PLCG2: variants seen among roughly 807,000 people sequenced by gnomAD.
PLCG2 encodes the protein 1-phosphatidylinositol 4,5-bisphosphate phosphodiesterase gamma-2.
A neutral mutation model predicts 175.6 loss-of-function variants in PLCG2; 69 were observed. That is an observed-to-expected ratio of 0.39 (90% CI 0.32 to 0.48). PLCG2 has a LOEUF of 0.48. Among genes scored for constraint, PLCG2 ranks in the 20% least tolerant of loss-of-function variants. The pLI is 0.91. For synonymous variants in PLCG2, 827 were observed against 624.0 expected, an observed-to-expected ratio of 1.33 and a Z score of -4.85; for missense variants, 1,798 against 1,650.9, an observed-to-expected ratio of 1.09 and a Z score of -1.54.
chr16:81,925,933 A>G (rs1379371424), intron 22 of PLCG2, among the ~76,000 whole-genome samples: 1 of 151,726 alleles, frequency 6.6e-6, no homozygotes, highest in Non-Finnish European at 1.5e-5. Context: ...AGAGGGGAAG[A>G]CAGATGTATA....
chr16:81,794,611 T>A (rs1911384438), intron 2 of PLCG2, among the ~76,000 whole-genome samples: 2 of 152,202 alleles, frequency 1.3e-5, no homozygotes, highest in Non-Finnish European at 2.9e-5. Context: ...CATTTCCTTA[T>A]CTATAAAATG....
At chr16:81,836,953 C>T (rs1354957141) in intron 2 of PLCG2, among the ~76,000 whole-genome samples, 1 of 152,174 alleles carries the variant, frequency 6.6e-6, no homozygotes, top group Non-Finnish European at 1.5e-5. Flanking sequence ...GGTTTCCCTT[C>T]CCTTTCCTCC....
chr16:81,946,029 G>C, intron 30 of PLCG2, 146 bp from the exon 31 acceptor site: 1 of 672,642 alleles, frequency 1.5e-6, no homozygotes, highest in Non-Finnish European at 2.7e-6. Flanking sequence ...TAGGACCTCT[G>C]GCTTCCACAA....
chr16:81,858,438 GAAAAA>G (rs67392656), intron 4 of PLCG2, 82 bp downstream of exon 4: 231 of 580,028 alleles, frequency 4.0e-4, no homozygotes, highest in African/African-American at 1.8e-3. Flanking sequence ...CTACAGGGGG[GAAAAA>G]AAAAAAAAGG....
chr16:81,938,449 A>T, intron 28 of PLCG2: 1 of 298,424 alleles, frequency 3.4e-6, no homozygotes, highest in Non-Finnish European at 6.2e-6. Context: ...AGAATGCCAC[A>T]CTGTTCCTCA....
rs543265692 is a variant in PLCG2 at position 81,885,285 on chromosome 16, A to G, written c.765+1944A>G. On this transcript the variant is annotated intron_variant, in intron 9 of 32. Transcript: ENST00000564138. ...GTGATCCACCCGCCTTGGCCTCCCAAAGTGCTGGGATTACAGGTGTGAGCC... is the reference window on the plus strand; with the variant it reads ...GTGATCCACCCGCCTTGGCCTCCCAGAGTGCTGGGATTACAGGTGTGAGCC... Among the ~76,000 whole-genome samples, 46 of 152,110 alleles carry G rather than the reference A, an allele frequency of 3.0e-4. No individual in the cohort carries two copies. In the South Asian group the frequency reaches 4.8e-3, roughly 16 times the overall value.
chr16:81,832,997 G>C (rs996375878), intron 2 of PLCG2, among the ~76,000 whole-genome samples: 1 of 152,206 alleles, frequency 6.6e-6, no homozygotes, highest in Non-Finnish European at 1.5e-5. Flanking sequence ...AACAAGTCAC[G>C]CTTGTGAGAT....
chr16:81,875,681 A>C (rs9932725), intron 7 of PLCG2, among the ~76,000 whole-genome samples: 1,819 of 152,308 alleles, frequency 0.012, 39 homozygotes, highest in African/African-American at 0.038. Context: ...CGTGACTGCT[A>C]CCCTGCTACC....
intron 3 of PLCG2, 71 bp downstream of exon 3, chr16:81,854,658 C>A (rs1906592980): frequency 1.4e-6 from 2 of 1,384,090 alleles, no homozygotes; most frequent in African/African-American, 1.4e-5. Flanking sequence ...TCGCTAATAG[C>A]AGAATGCTCA....
At chr16:81,821,649 C>T (rs975115677) in intron 2 of PLCG2, among the ~76,000 whole-genome samples, 4 of 152,068 alleles carry the variant, frequency 2.6e-5, no homozygotes, top group African/African-American at 9.7e-5. Context: ...CCCATTTAAG[C>T]CTCAGGAAGT....
At chr16:81,894,734 G>C (rs1445686935) in intron 12 of PLCG2, among the ~76,000 whole-genome samples, 3 of 152,044 alleles carry the variant, frequency 2.0e-5, no homozygotes, top group Admixed American at 6.6e-5. Flanking sequence ...TTAGCCAGGC[G>C]TGGTGGTGCA....
At chr16:81,833,868 G>A (rs534492577) in intron 2 of PLCG2, among the ~76,000 whole-genome samples, 3 of 152,238 alleles carry the variant, frequency 2.0e-5, no homozygotes, top group South Asian at 4.2e-4. Context: ...CTTGCCTAAC[G>A]ATTGCCTTTG....
chr16:81,875,117 T>G (rs1907716695), intron 7 of PLCG2, among the ~76,000 whole-genome samples: 1 of 151,896 alleles, frequency 6.6e-6, no homozygotes, highest in Non-Finnish European at 1.5e-5. Flanking sequence ...GCATGCACCA[T>G]CACGCCTGGC....
intron 17 of PLCG2, among the ~76,000 whole-genome samples, chr16:81,909,317 G>C (rs913830714): frequency 1.3e-4 from 20 of 152,194 alleles, no homozygotes; most frequent in African/African-American, 4.8e-4. Context: ...GGGGGGATTT[G>C]TGAAAGTCTG....
intron 14 of PLCG2, among the ~76,000 whole-genome samples, chr16:81,902,680 A>G (rs1475948997): frequency 6.6e-6 from 1 of 151,734 alleles, no homozygotes; most frequent in African/African-American, 2.4e-5. Flanking sequence ...GTTCATGAGG[A>G]CTCTACCCTC....
chr16:81,780,259 A>C (rs1449644082), intron 1 of PLCG2, among the ~76,000 whole-genome samples: 1 of 151,946 alleles, frequency 6.6e-6, no homozygotes, highest in East Asian at 1.9e-4. Context: ...AAGTTGAAGA[A>C]CCTTTTTGAG....
At chr16:81,881,687 T>C (rs1908086518) in intron 8 of PLCG2, among the ~76,000 whole-genome samples, 1 of 152,206 alleles carries the variant, frequency 6.6e-6, no homozygotes, top group African/African-American at 2.4e-5. Flanking sequence ...CTTTGTCGCC[T>C]AGGCTGGAGT....
chr16:81,783,151 G>T (rs370590867), intron 1 of PLCG2: 10 of 490,608 alleles, frequency 2.0e-5, no homozygotes, highest in East Asian at 1.7e-4. Context: ...TTATAATGGG[G>T]CTTGTGTTTC....
intron 1 of PLCG2, among the ~76,000 whole-genome samples, chr16:81,748,110 G>T (rs1909739141): frequency 6.6e-6 from 1 of 152,150 alleles, no homozygotes; most frequent in Admixed American, 6.5e-5. Context: ...CCTGACCTCA[G>T]ATGATCCGCC....
Sources: allele counts gnomAD v4.1 joint callset (sites outside exome capture counted in the v4.1 genomes callset), GRCh38; gene constraint gnomAD v4.1.1; transcripts MANE v1.5; gene names NCBI Gene and HGNC (gene_info 2026-07-23, HGNC 2026-07-21).